ZSWIM2: variants seen among roughly 807,000 people sequenced by gnomAD.
ZSWIM2 encodes zinc finger SWIM-type containing 2.
A neutral mutation model predicts 48.4 loss-of-function variants in ZSWIM2; 38 were observed. That is an observed-to-expected ratio of 0.79 (90% CI 0.61 to 1.03). ZSWIM2 has a LOEUF of 1.03. ZSWIM2 is among the 50% of genes least tolerant of loss of function. The pLI is 0.00. For missense variants in ZSWIM2, 776 were observed against 730.2 expected, an observed-to-expected ratio of 1.06 and a Z score of -0.72; for synonymous variants, 240 against 251.3, an observed-to-expected ratio of 0.96 and a Z score of 0.42.
At chr2:186,841,584 C>T (rs116144717) in intron 3 of ZSWIM2, among the ~76,000 whole-genome samples, 141 of 151,238 alleles carry the variant, frequency 9.3e-4, no homozygotes, top group Non-Finnish European at 1.8e-3. Context: ...AAAAGCTTCA[C>T]GTACAAAGAA....
chr2:186,842,149 A>G (rs909538927), intron 3 of ZSWIM2, among the ~76,000 whole-genome samples: 1 of 151,370 alleles, frequency 6.6e-6, no homozygotes, highest in African/African-American at 2.4e-5. Context: ...GAATCTCTGA[A>G]TGATGTTCAA....
intron 2 of ZSWIM2, among the ~76,000 whole-genome samples, chr2:186,845,413 T>C (rs1691979701): frequency 6.6e-6 from 1 of 151,348 alleles, no homozygotes; most frequent in African/African-American, 2.4e-5. Flanking sequence ...TTAAATATAA[T>C]CATAATACCA....
chr2:186,846,299 A>G (rs183479527), intron 2 of ZSWIM2, among the ~76,000 whole-genome samples: 5 of 152,022 alleles, frequency 3.3e-5, no homozygotes, highest in Non-Finnish European at 5.9e-5. Context: ...AAAACCTAAT[A>G]ACCTCATTAA....
In ZSWIM2 at chr2:186,839,299, G is replaced by C; in HGVS notation, c.284-130C>G. The C allele has an allele frequency of 8.9e-6, 6 of 672,422 alleles. No homozygotes were observed. The South Asian group carries it at 1.4e-4, about 15-fold the overall frequency. 41.7% of individuals were successfully genotyped at this position (672,422 alleles called of 1,614,324 possible). Reference sequence around the variant, plus strand: ...ACAGTTTTGATTGAATTATCACACTGACATTGACCCCTTCTTTACATTTTT... The same window carrying C: ...ACAGTTTTGATTGAATTATCACACTCACATTGACCCCTTCTTTACATTTTT... On this transcript the variant is annotated intron_variant, in intron 3 of 8. Coordinates refer to ENST00000295131, the MANE Select transcript of ZSWIM2 (RefSeq NM_182521.3).
intron 5 of ZSWIM2, among the ~76,000 whole-genome samples, chr2:186,836,503 G>A (rs1406309362): frequency 1.3e-5 from 2 of 152,002 alleles, no homozygotes; most frequent in African/African-American, 4.8e-5. Flanking sequence ...GCTGTTGGAT[G>A]TGATAATGTT....
rs1199359126 is a variant in ZSWIM2 at position 186,848,965 on chromosome 2, C to T, written c.165+1G>A. The T allele has an allele frequency of 1.2e-6, 2 of 1,613,850 alleles. No individual in the cohort carries two copies. Among genetic ancestry groups the T allele is most frequent in the East Asian group, 2.2e-5 (1 of 44,872 alleles). On this transcript the variant is annotated splice_donor_variant, in intron 1 of 8. Transcript: ENST00000295131. LOFTEE classifies it high-confidence loss of function. The stretch of plus-strand genomic sequence containing the variant: ...CTGGGGGCGGTAGGGGCGGTAGTTA[C>T]TCGGAAATCCATGTATTCCGGCTCC...
chr2:186,848,706 T>A (rs1244321811), intron 1 of ZSWIM2: 1 of 399,732 alleles, frequency 2.5e-6, no homozygotes. Flanking sequence ...TTTTCAAGCC[T>A]AAAGATCAAG....
At position 186,839,013 on chromosome 2, in the gene ZSWIM2, C is replaced by A; in HGVS notation, c.440G>T (p.Cys147Phe). ...TAAAAGTAGCTCTTGACAAATAGAG[C>A]AGATATCCTCTGAATCAATTTCCTT... ...KQKEIDSEDI[C>F]SICQELLLEK... The change falls in exon 4 of 9, where the codon TGC becomes TTC. Residue 147 changes from cysteine (C) to phenylalanine (F), a missense_variant. Coordinates refer to ENST00000295131, the MANE Select transcript of ZSWIM2 (RefSeq NM_182521.3). The A allele has an allele frequency of 6.2e-7, 1 of 1,611,356 alleles. No homozygotes were observed. Among genetic ancestry groups the A allele is most frequent in the Non-Finnish European group, 8.5e-7 (1 of 1,178,168 alleles).
chr2:186,846,367 C>A (rs1388894846), intron 2 of ZSWIM2, among the ~76,000 whole-genome samples: 2 of 151,626 alleles, frequency 1.3e-5, no homozygotes, highest in African/African-American at 4.8e-5. Context: ...AAGTGGCCAA[C>A]AAACATAATA....
In ZSWIM2 at chr2:186,848,972, A is replaced by T. The variant is rs752123210; in HGVS notation, c.159T>A (p.Asp53Glu). ...LLREEEPEYM[D>E]FRVFLGNPHV... ...CGGTAGGGGCGGTAGTTACTCGGAAATCCATGTATTCCGGCTCCTCCTCCC... is the reference window on the plus strand; with the variant it reads ...CGGTAGGGGCGGTAGTTACTCGGAATTCCATGTATTCCGGCTCCTCCTCCC... The change falls in exon 1 of 9, where the codon GAT becomes GAA. Residue 53 changes from aspartate (D) to glutamate (E), a missense_variant. By Grantham distance (45) the Asp-to-Glu change is conservative (BLOSUM62 2). Coordinates refer to ENST00000295131, the MANE Select transcript of ZSWIM2 (RefSeq NM_182521.3). The T allele has an allele frequency of 6.9e-5, 112 of 1,613,874 alleles. 1 individual carries two copies. In the South Asian group the frequency reaches 1.0e-3, roughly 15 times the overall value.
At chr2:186,848,807 AT>A in intron 1 of ZSWIM2, 158 bp downstream of exon 1, 1 of 875,506 alleles carries the variant, frequency 1.1e-6, no homozygotes. Flanking sequence ...AATTTCACGT[AT>A]TTTAGAGTCT....
intron 1 of ZSWIM2, 149 bp from the exon 2 acceptor site, chr2:186,847,944 T>C: frequency 2.0e-6 from 1 of 489,712 alleles, no homozygotes; most frequent in Non-Finnish European, 3.6e-6. Flanking sequence ...TAATTCTTGA[T>C]ACTAGTCTCT....
intron 3 of ZSWIM2, among the ~76,000 whole-genome samples, chr2:186,843,169 C>T (rs1691939361): frequency 6.6e-6 from 1 of 151,528 alleles, no homozygotes; most frequent in Non-Finnish European, 1.5e-5. Flanking sequence ...TTCCATTGGA[C>T]AGCCTCAGTA....
At chr2:186,837,277 C>T (rs778513377) in intron 5 of ZSWIM2, 29 bp downstream of exon 5, 1 of 1,605,212 alleles carries the variant, frequency 6.2e-7, no homozygotes, top group Non-Finnish European at 8.5e-7. Flanking sequence ...AAAAAGAACA[C>T]ATGCTTATAA....
chr2:186,839,189 T>C lies in ZSWIM2; in HGVS notation c.284-20A>G. 2 of 1,606,588 alleles carry C rather than the reference T, an allele frequency of 1.2e-6. No homozygotes were observed. Among genetic ancestry groups the C allele is most frequent in the Non-Finnish European group, 1.7e-6 (2 of 1,174,796 alleles). On this transcript the variant is annotated intron_variant, in intron 3 of 8. Coordinates refer to ENST00000295131, the MANE Select transcript of ZSWIM2 (RefSeq NM_182521.3). ...AAGCAGCTAGTGAGAAATCCCAAAGTATTAAAATCCAGTCATAAAATTGGA... is the reference window on the plus strand; with the variant it reads ...AAGCAGCTAGTGAGAAATCCCAAAGCATTAAAATCCAGTCATAAAATTGGA...
In ZSWIM2 at chr2:186,847,756, A is replaced by G. The variant is rs1692032310; in HGVS notation, c.205T>C (p.Phe69Leu). Residue 69 changes from phenylalanine (F) to leucine (L), a missense_variant, in exon 2 of 9, where the codon TTT becomes CTT. By Grantham distance (22) the Phe-to-Leu change is conservative. Coordinates refer to ENST00000295131, the MANE Select transcript of ZSWIM2 (RefSeq NM_182521.3). ...GNPHVCNCSTFPKGGELCKHI... is the reference protein window; with the variant it reads ...GNPHVCNCSTLPKGGELCKHI... ...TTACAAAGTTCCCCTCCTTTCGGAA[A>G]TGTGGAACAGTTACAAACGTGAGGA... 1 of 1,607,610 alleles carries G rather than the reference A, an allele frequency of 6.2e-7. No individual in the cohort carries two copies. Among genetic ancestry groups the G allele is most frequent in the Admixed American group, 1.7e-5 (1 of 59,368 alleles).
At position 186,841,925 on chromosome 2, in the gene ZSWIM2, A is replaced by G. The variant is rs193130423; in HGVS notation, c.284-2756T>C. 5.2e-3 allele frequency among the ~76,000 whole-genome samples: 793 copies of G among 151,446 alleles called. 6 individuals carry two copies. Among genetic ancestry groups the G allele is most frequent in the South Asian group, 0.018 (87 of 4,826 alleles). On this transcript the variant is annotated intron_variant, in intron 3 of 8. Coordinates refer to ENST00000295131, the MANE Select transcript of ZSWIM2 (RefSeq NM_182521.3). ...TTCCAAAAAGAAGATAGTATTCACT[A>G]GTTATTGTATTTAAAAGGAACTATC...
rs1459350679 is a variant in ZSWIM2 at position 186,849,169 on chromosome 2, C to A, written c.-39G>T. The A allele has an allele frequency of 1.3e-6, 2 of 1,564,992 alleles. No homozygotes were observed. The highest frequency in any genetic ancestry group is 2.3e-5 in the East Asian group (1 of 43,588). On this transcript the variant is annotated 5_prime_UTR_variant, in exon 1 of 9. Coordinates refer to ENST00000295131, the MANE Select transcript of ZSWIM2 (RefSeq NM_182521.3). The stretch of plus-strand genomic sequence containing the variant: ...GGAGGCGGCCCCTCTGCTCGGCTCA[C>A]TGAGGCGCCAGCCGGTCTCCAAGAC...
In ZSWIM2 at chr2:186,827,992, G is replaced by T; in HGVS notation, c.1894C>A (p.Gln632Lys). 6.4e-7 allele frequency: 1 copy of T among 1,562,212 alleles called. No homozygotes were observed. The highest frequency in any genetic ancestry group is 1.2e-5 in the South Asian group (1 of 82,352). ...TELSLIIEGV[Q>K]L ...TCAGATAGTAAACTTTTTCACAATT[G>T]AACTCCTTCTATTATTAAAGATAGC... The change falls in exon 9 of 9, where the codon CAA (glutamine) becomes AAA (lysine). Residue 632 changes from glutamine to lysine, a missense_variant. By Grantham distance (53) the Gln-to-Lys change is moderately conservative. Transcript: ENST00000295131.
Sources: gnomAD v4.1 joint callset for allele counts (sites outside exome capture counted in the v4.1 genomes callset) on GRCh38, gnomAD v4.1.1 for gene constraint, MANE v1.5 for transcripts, NCBI Gene and HGNC (gene_info 2026-07-23, HGNC 2026-07-21) for gene names.